RAPGEF6: variants seen among roughly 807,000 people sequenced by gnomAD.
The protein encoded by RAPGEF6 is Rap guanine nucleotide exchange factor 6, also known as PDZ domain containing guanine nucleotide exchange factor (GEF) 2.
In RAPGEF6, 56 loss-of-function variants were observed where a neutral mutation model predicts 171.4. That is an observed-to-expected ratio of 0.33 (90% CI 0.26 to 0.41). The LOEUF is 0.41. Ranked by LOEUF, RAPGEF6 falls within the 10% of genes least tolerant of loss-of-function variation. The probability of loss-of-function intolerance (pLI) is 1.00; values close to 1 mark genes in which losing one functional copy is unlikely to be tolerated. For missense variants in RAPGEF6, 1,674 were observed against 1,921.4 expected (o/e 0.87, Z 2.41); for synonymous variants, 692 against 650.1 (o/e 1.06, Z -0.98).
At chr5:131,552,604 G>T (rs558525987) in intron 5 of RAPGEF6, among the ~76,000 whole-genome samples, 1 of 152,032 alleles carries the variant, frequency 6.6e-6, no homozygotes, top group South Asian at 2.1e-4. Flanking sequence ...GGGATTACAG[G>T]CATGCACCAC....
At chr5:131,496,887 T>TGGTA (rs1178006450) in intron 12 of RAPGEF6, among the ~76,000 whole-genome samples, 2 of 152,154 alleles carry the variant, frequency 1.3e-5, no homozygotes, top group Non-Finnish European at 2.9e-5. Flanking sequence ...CTGGGCTATA[T>TGGTA]GGTAACCCTA....
intron 7 of RAPGEF6, among the ~76,000 whole-genome samples, chr5:131,514,022 T>C (rs991311826): frequency 1.3e-5 from 2 of 152,156 alleles, no homozygotes; most frequent in African/African-American, 4.8e-5. Context: ...TGTGAGAACG[T>C]GTCTCAAAAA....
intron 4 of RAPGEF6, among the ~76,000 whole-genome samples, chr5:131,579,649 G>A (rs1228960831): frequency 8.9e-5 from 13 of 145,300 alleles, no homozygotes; most frequent in South Asian, 4.5e-4. Context: ...CTAGACACAG[G>A]GTGCTGACTG....
chr5:131,465,624 T>G (rs1382811874), intron 17 of RAPGEF6, among the ~76,000 whole-genome samples: 2 of 151,814 alleles, frequency 1.3e-5, no homozygotes, highest in African/African-American at 4.8e-5. Context: ...CTACAAAAAA[T>G]TTTTAAAAAT....
At chr5:131,453,411 A>C (rs1289398989) in intron 20 of RAPGEF6, among the ~76,000 whole-genome samples, 2 of 152,098 alleles carry the variant, frequency 1.3e-5, no homozygotes, top group African/African-American at 4.8e-5. Flanking sequence ...CAAATGATAA[A>C]CTGTGCATGG....
intron 20 of RAPGEF6, among the ~76,000 whole-genome samples, chr5:131,454,772 C>A (rs1190601460): frequency 6.6e-6 from 1 of 152,096 alleles, no homozygotes; most frequent in Non-Finnish European, 1.5e-5. Flanking sequence ...AAAAACAAAA[C>A]CCCACACTTA....
rs115104388 is a variant in RAPGEF6, at chr5:131,576,655, C to T, written c.282-14608G>A. On this transcript the variant is annotated intron_variant, in intron 4 of 27. Coordinates refer to ENST00000509018, the MANE Select transcript of RAPGEF6 (RefSeq NM_016340.6). Reference sequence around the variant, plus strand: ...TAGCAGCTAGTATTCTCACATCTGTCCCTCACGACCAGTTTTTTTCCTTCT... The same window carrying T: ...TAGCAGCTAGTATTCTCACATCTGTTCCTCACGACCAGTTTTTTTCCTTCT... 1.8e-3 allele frequency among the ~76,000 whole-genome samples: 270 copies of T among 152,300 alleles called. 1 individual carries two copies. The highest frequency in any genetic ancestry group is 6.2e-3 in the African/African-American group (257 of 41,566).
intron 17 of RAPGEF6, chr5:131,469,824 A>G (rs1318584827): frequency 1.3e-6 from 2 of 1,521,626 alleles, no homozygotes; most frequent in South Asian, 1.2e-5. Flanking sequence ...AGCTGTATGC[A>G]GCAAAAATAA....
chr5:131,530,863 G>A (rs768084401), intron 6 of RAPGEF6, among the ~76,000 whole-genome samples: 18 of 151,866 alleles, frequency 1.2e-4, no homozygotes, highest in African/African-American at 3.1e-4. Context: ...TTTTTTACAC[G>A]GTCTCACTCA....
chr5:131,604,550 T>G, intron 2 of RAPGEF6, 73 bp downstream of exon 2: 1 of 1,522,234 alleles, frequency 6.6e-7, no homozygotes, highest in African/African-American at 1.4e-5. Flanking sequence ...ATAAAGGTGC[T>G]TAACAAATAT....
At chr5:131,620,405 T>C (rs1765529167) in intron 1 of RAPGEF6, among the ~76,000 whole-genome samples, 1 of 152,260 alleles carries the variant, frequency 6.6e-6, no homozygotes, top group South Asian at 2.1e-4. Flanking sequence ...GCAACTCAAG[T>C]GCAAAATTCA....
chr5:131,435,345 G>C (rs931824076), intron 24 of RAPGEF6, among the ~76,000 whole-genome samples: 2 of 152,026 alleles, frequency 1.3e-5, no homozygotes, highest in Non-Finnish European at 2.9e-5. Flanking sequence ...TTTTTAAGAG[G>C]ACCAAGAAAG....
intron 5 of RAPGEF6, among the ~76,000 whole-genome samples, chr5:131,552,194 A>C (rs758556267): frequency 6.6e-5 from 10 of 151,842 alleles, no homozygotes; most frequent in Non-Finnish European, 1.2e-4. Flanking sequence ...CTCATCCCAA[A>C]CAGCTACACC....
chr5:131,547,436 T>C (rs1309097007), intron 6 of RAPGEF6, among the ~76,000 whole-genome samples: 10 of 152,166 alleles, frequency 6.6e-5, no homozygotes, highest in Non-Finnish European at 4.4e-5. Context: ...ATTACCCTTA[T>C]TTCTTGATTC....
intron 21 of RAPGEF6, among the ~76,000 whole-genome samples, chr5:131,452,785 A>G (rs1336903314): frequency 1.3e-5 from 2 of 152,146 alleles, no homozygotes; most frequent in Non-Finnish European, 2.9e-5. Context: ...TTTAAAGAAC[A>G]ATAATACAGA....
chr5:131,616,104 A>G (rs1236284113), intron 1 of RAPGEF6, among the ~76,000 whole-genome samples: 1 of 151,036 alleles, frequency 6.6e-6, no homozygotes, highest in African/African-American at 2.4e-5. Context: ...CCTAGGGGCG[A>G]AAAAAAAAGA....
At chr5:131,505,682 A>G (rs541313355) in intron 9 of RAPGEF6, among the ~76,000 whole-genome samples, 160 bp from the exon 10 acceptor site, 10 of 152,350 alleles carry the variant, frequency 6.6e-5, no homozygotes, top group African/African-American at 2.4e-4. Flanking sequence ...CTTTGAGTCT[A>G]TGCAAACTAC....
At chr5:131,573,224 C>T (rs908207782) in intron 4 of RAPGEF6, among the ~76,000 whole-genome samples, 2 of 152,154 alleles carry the variant, frequency 1.3e-5, no homozygotes, top group Admixed American at 6.5e-5. Context: ...ATTACCTCCC[C>T]TCCTCACACC....
In RAPGEF6 at chr5:131,635,056, C is replaced by T. The variant is rs375973194; in HGVS notation, c.-26G>A. On this transcript the variant is annotated 5_prime_UTR_variant, in exon 1 of 28. Coordinates refer to ENST00000509018, the MANE Select transcript of RAPGEF6 (RefSeq NM_016340.6). ...GGCCACGGCCCGGGTACTCCGCAGC[C>T]TGCCCTTAGCAGCCCACGCCACAGT... 5 of 1,588,788 alleles carry T rather than the reference C, an allele frequency of 3.1e-6. No homozygotes were observed. The highest frequency in any genetic ancestry group is 1.3e-5 in the African/African-American group (1 of 74,502).
Sources: allele counts gnomAD v4.1 joint callset (sites outside exome capture counted in the v4.1 genomes callset), GRCh38; gene constraint gnomAD v4.1.1; transcripts MANE v1.5; gene names NCBI Gene and HGNC (gene_info 2026-07-23, HGNC 2026-07-21).